Variants in SLC5A3 observed in about 807,000 individuals in gnomAD.
The protein encoded by SLC5A3 is sodium/myo-inositol cotransporter.
SLC5A3 carries 10 observed loss-of-function variants against 43.2 expected under a neutral mutation model. That is an observed-to-expected ratio of 0.23 (90% CI 0.14 to 0.39). The LOEUF (loss-of-function observed/expected upper bound fraction) is 0.39, where lower values mean the gene tolerates loss of function less well. Among genes scored for constraint, SLC5A3 ranks in the 10% least tolerant of loss-of-function variants. The probability of loss-of-function intolerance (pLI) is 1.00; values close to 1 mark genes in which losing one functional copy is unlikely to be tolerated. For synonymous variants in SLC5A3, 349 were observed against 322.0 expected (o/e 1.08, Z -0.90); for missense variants, 608 against 893.4 (o/e 0.68, Z 4.07).
At chr21:34,084,694 A>G (rs575550264) in intron 1 of SLC5A3, among the ~76,000 whole-genome samples, 1 of 152,336 alleles carries the variant, frequency 6.6e-6, no homozygotes, top group South Asian at 2.1e-4. Context: ...ACTTGGTCAT[A>G]CGTAATGGTA....
At position 34,105,161 on chromosome 21, in the gene SLC5A3, C is replaced by G. The variant is rs1979420127; in HGVS notation, c.*7806C>G. ...GAATTTGTTCCCTTGCTTTCCCCCA[C>G]TGTTACTGCTTCAGTTTATAGATTG... is the stretch of plus-strand genomic sequence containing the variant. On this transcript the variant is annotated 3_prime_UTR_variant, in exon 2 of 2. Transcript: ENST00000381151. 3.0e-6 allele frequency: 3 copies of G among 1,000,086 alleles called. No individual in the cohort carries two copies. In the African/African-American group the frequency reaches 5.2e-5, roughly 17 times the overall value. 62.0% of individuals were successfully genotyped at this position (1,000,086 alleles called of 1,614,324 possible). A position where few individuals can be genotyped will look rare whatever the true frequency, so the allele number is the denominator to read the frequency against.
rs1393854429 is a variant in SLC5A3, at chr21:34,106,214, G to A, written c.*8859G>A. On this transcript the variant is annotated 3_prime_UTR_variant, in exon 2 of 2. Transcript: ENST00000381151. ...ACTGAAGTATAGTAATTATTTTATG[G>A]AAATGTTAGCAATTCTGTACCAACT... 13 of 969,258 alleles carry A rather than the reference G, an allele frequency of 1.3e-5. No homozygotes were observed. Among genetic ancestry groups the A allele is most frequent in the African/African-American group, 1.8e-5 (1 of 56,626 alleles). The allele number at this position is 969,258 out of a possible 1,614,324, so 60.0% of individuals were successfully genotyped here.
intron 1 of SLC5A3, among the ~76,000 whole-genome samples, chr21:34,074,995 T>G (rs1989292131): frequency 6.6e-6 from 1 of 152,242 alleles, no homozygotes; most frequent in Non-Finnish European, 1.5e-5. Context: ...TTCATGGATT[T>G]GGAAGAAGTT....
intron 1 of SLC5A3, among the ~76,000 whole-genome samples, chr21:34,086,979 TCA>T (rs1978421331): frequency 6.6e-6 from 1 of 152,162 alleles, no homozygotes. Context: ...TCTGCACATA[TCA>T]CTGCACACTA....
chr21:34,082,889 C>A (rs1569413076), intron 1 of SLC5A3, among the ~76,000 whole-genome samples: 1 of 152,118 alleles, frequency 6.6e-6, no homozygotes, highest in African/African-American at 2.4e-5. Flanking sequence ...ATTACAGTCC[C>A]AGGTAAGGTA....
rs374187726 is a variant in SLC5A3, at chr21:34,090,806, TGAGATCCTACAGTTAGGAA to T, written c.-336-4055_-336-4037del. Reference sequence around the variant, plus strand: ...GGCTCATAGAGATGAAGTTGTTGCCTGAGATCCTACAGTTAGGAAGTGACGGAGCATGGAACCCAGCCCT... The same window carrying T: ...GGCTCATAGAGATGAAGTTGTTGCCTGTGACGGAGCATGGAACCCAGCCCT... On this transcript the variant is annotated intron_variant, in intron 1 of 1. Coordinates refer to ENST00000381151, the MANE Select transcript of SLC5A3 (RefSeq NM_006933.7). Among the ~76,000 whole-genome samples, 694 of 152,232 alleles carry T rather than the reference TGAGATCCTACAGTTAGGAA, an allele frequency of 4.6e-3. 4 individuals carry two copies. The highest frequency in any genetic ancestry group is 0.016 in the African/African-American group (651 of 41,540).
intron 1 of SLC5A3, among the ~76,000 whole-genome samples, 158 bp downstream of exon 1, chr21:34,073,903 G>C (rs1250925242): frequency 6.9e-6 from 1 of 145,602 alleles, no homozygotes; most frequent in Non-Finnish European, 1.5e-5. Context: ...CCGCGGGAAG[G>C]GGGCGCGCGT....
chr21:34,088,371 G>A (rs1429423817), intron 1 of SLC5A3, among the ~76,000 whole-genome samples: 2 of 120,310 alleles, frequency 1.7e-5, no homozygotes, highest in Middle Eastern at 3.9e-3. Flanking sequence ...ACCCATCAGG[G>A]CTTTGCTGTA....
Position 34,101,326 on chromosome 21 carries a change from T to C in SLC5A3, c.*3971T>C. 1 of 1,000,248 alleles carries C rather than the reference T, an allele frequency of 1.0e-6. No individual in the cohort carries two copies. The highest frequency in any genetic ancestry group is 1.1e-4 in the East Asian group (1 of 8,826). 62.0% of individuals were successfully genotyped at this position (1,000,248 alleles called of 1,614,324 possible). A position where few individuals can be genotyped will look rare whatever the true frequency, so the allele number is the denominator to read the frequency against. ...GGCACCAATAAATAAGTTTCAGCTTTTTAAACCCTGGTTTGATGTTAAGCA... is the reference window on the plus strand; with the variant it reads ...GGCACCAATAAATAAGTTTCAGCTTCTTAAACCCTGGTTTGATGTTAAGCA... On this transcript the variant is annotated 3_prime_UTR_variant, in exon 2 of 2. Transcript: ENST00000381151.
rs1979421199 is a variant in SLC5A3 at position 34,105,185 on chromosome 21, T to C, written c.*7830T>C. 1.0e-6 allele frequency: 1 copy of C among 1,000,288 alleles called. No homozygotes were observed. Among genetic ancestry groups the C allele is most frequent in the African/African-American group, 1.7e-5 (1 of 57,370 alleles). The allele number at this position is 1,000,288 out of a possible 1,614,324, so 62.0% of individuals were successfully genotyped here. A position where few individuals can be genotyped will look rare whatever the true frequency, so the allele number is the denominator to read the frequency against. ...ACTGTTACTGCTTCAGTTTATAGAT[T>C]GCCAGCAGAGTTCAGAAATAGAGCA... On this transcript the variant is annotated 3_prime_UTR_variant, in exon 2 of 2. Transcript: ENST00000381151.
At chr21:34,075,653 A>G (rs1435441326) in intron 1 of SLC5A3, among the ~76,000 whole-genome samples, 1 of 152,232 alleles carries the variant, frequency 6.6e-6, no homozygotes, top group Non-Finnish European at 1.5e-5. Flanking sequence ...TGACTTATGT[A>G]CAATGGCGAA....
chr21:34,086,274 A>G (rs1391302379), intron 1 of SLC5A3, among the ~76,000 whole-genome samples: 1 of 152,178 alleles, frequency 6.6e-6, no homozygotes, highest in South Asian at 2.1e-4. Context: ...TCACATCAAG[A>G]GGGACACATG....
intron 1 of SLC5A3, among the ~76,000 whole-genome samples, chr21:34,092,832 G>C (rs1460766514): frequency 6.6e-6 from 1 of 152,110 alleles, no homozygotes; most frequent in Non-Finnish European, 1.5e-5. Context: ...TGGAAAGCAC[G>C]TGGTTGCTAC....
rs142658622 is a variant in SLC5A3 at position 34,086,653 on chromosome 21, A to G, written c.-336-8210A>G. ...CCTCTCAAATGTCCTCAGTTTTCTC[A>G]TTTGTAAATTGGGGATCATTATCAT... On this transcript the variant is annotated intron_variant, in intron 1 of 1. Transcript: ENST00000381151. 1.9e-4 allele frequency among the ~76,000 whole-genome samples: 29 copies of G among 152,018 alleles called. 2 individuals are homozygous for G. Among genetic ancestry groups the G allele is most frequent in the African/African-American group, 6.5e-4 (27 of 41,418 alleles).
rs1232257187 is a variant in SLC5A3, at chr21:34,096,047, G to A, written c.849G>A (p.Val283=). 1 of 1,614,142 alleles carries A rather than the reference G, an allele frequency of 6.2e-7. No individual in the cohort carries two copies. Among genetic ancestry groups the A allele is most frequent in the Non-Finnish European group, 8.5e-7 (1 of 1,180,002 alleles). Residue 283 remains valine, a synonymous_variant, in exon 2 of 2, where the codon GTG becomes GTA. Transcript: ENST00000381151. This position sits in a 1 kb window ranked among gnomAD's most constrained non-coding sequence, Gnocchi z 5.9. ...ACTGGTGTGCTGACCAAGTCATCGT[G>A]CAGAGGGTCCTTGCAGCCAAAAACA... ...VWYWCADQVI[V]QRVLAAKNIA...
rs759657838 is a variant in SLC5A3, at chr21:34,096,715, T to G, written c.1517T>G (p.Ile506Ser). ...CAACCTGATAATAGGCCGGGCTTCATCAAAGACATCCATTATATGTATGTG... is the reference window on the plus strand; with the variant it reads ...CAACCTGATAATAGGCCGGGCTTCAGCAAAGACATCCATTATATGTATGTG... Reference protein sequence around the residue: ...CDQPDNRPGFIKDIHYMYVAT... With the variant: ...CDQPDNRPGFSKDIHYMYVAT... The change falls in exon 2 of 2, where the codon ATC becomes AGC. Residue 506 changes from isoleucine (I) to serine (S), a missense_variant. This residue lies in a region of SLC5A3 where 398 missense variants were observed against 668.6 expected (regional missense o/e 0.60). Coordinates refer to ENST00000381151, the MANE Select transcript of SLC5A3 (RefSeq NM_006933.7). This position sits in a 1 kb window ranked among gnomAD's most constrained non-coding sequence, Gnocchi z 5.9. 1 of 1,614,102 alleles carries G rather than the reference T, an allele frequency of 6.2e-7. No homozygotes were observed. The highest frequency in any genetic ancestry group is 1.7e-5 in the Admixed American group (1 of 60,004).
chr21:34,078,839 C>G (rs534919149), intron 1 of SLC5A3, among the ~76,000 whole-genome samples: 1 of 152,140 alleles, frequency 6.6e-6, no homozygotes, highest in Non-Finnish European at 1.5e-5. Context: ...TCAGACTTTT[C>G]CTATTTAATG....
At chr21:34,079,013 T>C (rs1989397844) in intron 1 of SLC5A3, among the ~76,000 whole-genome samples, 1 of 152,242 alleles carries the variant, frequency 6.6e-6, no homozygotes, top group Admixed American at 6.5e-5. Context: ...TCAATTTGTC[T>C]AAAGGAAGAA....
rs1979443913 is a variant in SLC5A3, at chr21:34,105,684, G to A, written c.*8329G>A. 1 of 998,076 alleles carries A rather than the reference G, an allele frequency of 1.0e-6. No individual in the cohort carries two copies. The highest frequency in any genetic ancestry group is 1.2e-6 in the Non-Finnish European group (1 of 828,144). 61.8% of individuals were successfully genotyped at this position (998,076 alleles called of 1,614,324 possible). A position where few individuals can be genotyped will look rare whatever the true frequency, so the allele number is the denominator to read the frequency against. The stretch of plus-strand genomic sequence containing the variant: ...AATGAAGTTGATGAACATTAATTTT[G>A]TTATTAGTGAGTTTTTTGAATTGTA... On this transcript the variant is annotated 3_prime_UTR_variant, in exon 2 of 2. Transcript: ENST00000381151.
Sources: gnomAD v4.1 joint callset for allele counts (sites outside exome capture counted in the v4.1 genomes callset) on GRCh38, gnomAD v4.1.1 for gene constraint, gnomAD v4.1.1 regional missense constraint, Gnocchi (gnomAD v3.1) non-coding constraint, MANE v1.5 for transcripts, NCBI Gene and HGNC (gene_info 2026-07-23, HGNC 2026-07-21) for gene names.